APELA: variants seen among roughly 807,000 people sequenced by gnomAD.
The protein encoded by APELA is apelin receptor early endogenous ligand.
intron 2 of APELA, among the ~76,000 whole-genome samples, chr4:164,889,245 T>C (rs1730836211): frequency 6.6e-6 from 1 of 152,184 alleles, no homozygotes; most frequent in Non-Finnish European, 1.5e-5. Context: ...ATTTCATTTA[T>C]GTCAAAATTG....
Position 164,894,048 on chromosome 4 carries a change from C to T in APELA, c.*2-1368C>T, listed in dbSNP as rs142225434. Among the ~76,000 whole-genome samples, 741 of 152,018 alleles carry T rather than the reference C, an allele frequency of 4.9e-3. 8 individuals are homozygous for T. The highest frequency in any genetic ancestry group is 0.017 in the African/African-American group (702 of 41,486). The stretch of plus-strand genomic sequence containing the variant: ...TTTATTTAACAATTTTTTGGCCGGG[C>T]GTGGTGGCTCACACCTATAATCTCA... On this transcript the variant is annotated intron_variant, in intron 2 of 2. Coordinates refer to ENST00000507152, the MANE Select transcript of APELA (RefSeq NM_001297550.2).
At chr4:164,897,847 A>C (rs1471820330), downstream of APELA, among the ~76,000 whole-genome samples, 1 of 152,172 alleles carries the variant, frequency 6.6e-6, no homozygotes, top group African/African-American at 2.4e-5. Flanking sequence ...AGGGGTGCCA[A>C]ATCTGTGTTC....
chr4:164,879,824 A>G (rs2111049182), intron 2 of APELA, among the ~76,000 whole-genome samples: 1 of 152,352 alleles, frequency 6.6e-6, no homozygotes, highest in Non-Finnish European at 1.5e-5. Context: ...AAGTAAAGTT[A>G]ACACTAATAA....
chr4:164,880,761 G>A (rs1730640490), intron 2 of APELA, among the ~76,000 whole-genome samples: 1 of 152,164 alleles, frequency 6.6e-6, no homozygotes, highest in Non-Finnish European at 1.5e-5. Flanking sequence ...ATAAAAACCA[G>A]TGTTACAAGT....
chr4:164,882,352 C>A (rs180739425), intron 2 of APELA, among the ~76,000 whole-genome samples: 8 of 152,116 alleles, frequency 5.3e-5, no homozygotes, highest in Non-Finnish European at 8.8e-5. Context: ...ATCTGCCCCC[C>A]CTCAGACTCC....
chr4:164,890,603 C>G (rs1730861578), intron 2 of APELA, among the ~76,000 whole-genome samples: 1 of 152,192 alleles, frequency 6.6e-6, no homozygotes, highest in East Asian at 1.9e-4. Context: ...GAATACAATT[C>G]CATGATATGG....
At chr4:164,890,779 A>G (rs988148730) in intron 2 of APELA, among the ~76,000 whole-genome samples, 2 of 152,190 alleles carry the variant, frequency 1.3e-5, no homozygotes, top group Non-Finnish European at 2.9e-5. Context: ...GTTGGGTCAT[A>G]TGGTTATGCT....
downstream of APELA, chr4:164,898,632 A>G (rs563295255): frequency 6.6e-6 from 1 of 152,332 alleles, no homozygotes; most frequent in East Asian, 1.9e-4. Flanking sequence ...TTTGGATCCC[A>G]GGGTTGAGTC....
chr4:164,877,631 T>C (rs1730578994), intron 1 of APELA, among the ~76,000 whole-genome samples: 1 of 152,206 alleles, frequency 6.6e-6, no homozygotes, highest in Admixed American at 6.5e-5. Context: ...ATTTTACCAC[T>C]ATTTTTCCTA....
intron 2 of APELA, among the ~76,000 whole-genome samples, chr4:164,888,929 T>TC (rs1411116762): frequency 1.3e-5 from 2 of 152,184 alleles, no homozygotes; most frequent in Non-Finnish European, 2.9e-5. Context: ...TTCACCTTTT[T>TC]CCTACTCAAT....
intron 2 of APELA, 115 bp downstream of exon 2, chr4:164,879,124 G>A (rs73871519): frequency 0.011 from 4,394 of 396,524 alleles, 144 homozygotes; most frequent in African/African-American, 0.078. Context: ...GCAATGTCAA[G>A]ACTTAAGAGA....
intron 2 of APELA, among the ~76,000 whole-genome samples, chr4:164,893,625 T>C (rs534309142): frequency 6.6e-6 from 1 of 152,196 alleles, no homozygotes; most frequent in Admixed American, 6.6e-5. Context: ...GTATATTCGC[T>C]TCAGCTCTCT....
chr4:164,879,287 T>C, intron 2 of APELA: 1 of 283,602 alleles, frequency 3.5e-6, no homozygotes, highest in Non-Finnish European at 6.5e-6. Context: ...CTAATATTAT[T>C]GCGGATGTTA....
intron 2 of APELA, among the ~76,000 whole-genome samples, chr4:164,884,121 G>GAAAGAAAGAAAGAAAGAAAGAA (rs5863729): frequency 1.2e-4 from 14 of 113,290 alleles, no homozygotes; most frequent in South Asian, 2.9e-4. Context: ...AAGAAAGAAA[G>GAAAGAAAGAAAGAAAGAAAGAA]AGAAAGAAAG....
At chr4:164,889,464 T>C (rs184010203) in intron 2 of APELA, among the ~76,000 whole-genome samples, 1 of 152,344 alleles carries the variant, frequency 6.6e-6, no homozygotes, top group East Asian at 1.9e-4. Flanking sequence ...ATGACATATA[T>C]ACACATTATT....
At chr4:164,898,582 A>G (rs1175041789), downstream of APELA, 2 of 152,152 alleles carry the variant, frequency 1.3e-5, no homozygotes, top group African/African-American at 4.8e-5. Flanking sequence ...GAGCTTGATC[A>G]AGATGGTTAA....
At chr4:164,886,410 G>A (rs1730770741) in intron 2 of APELA, among the ~76,000 whole-genome samples, 2 of 152,104 alleles carry the variant, frequency 1.3e-5, no homozygotes, top group African/African-American at 4.8e-5. Flanking sequence ...CCAGCACTTT[G>A]GGAGCCTGAG....
chr4:164,878,152 A>G (rs1216565395), intron 1 of APELA, among the ~76,000 whole-genome samples: 6 of 150,762 alleles, frequency 4.0e-5, no homozygotes, highest in Non-Finnish European at 8.9e-5. Flanking sequence ...AAAAGAAAGA[A>G]AAGAGAGAAA....
intron 2 of APELA, among the ~76,000 whole-genome samples, chr4:164,880,145 G>A (rs1362431498): frequency 6.6e-6 from 1 of 152,156 alleles, no homozygotes; most frequent in South Asian, 2.1e-4. Flanking sequence ...ACATACACAG[G>A]CAATGGCAAA....
Sources: gnomAD v4.1 joint callset for allele counts (sites outside exome capture counted in the v4.1 genomes callset) on GRCh38, gnomAD v4.1.1 for gene constraint, MANE v1.5 for transcripts, NCBI Gene and HGNC (gene_info 2026-07-23, HGNC 2026-07-21) for gene names.